Variants in CNTNAP2 observed in about 807,000 individuals in gnomAD.
CNTNAP2 encodes contactin-associated protein-like 2.
In CNTNAP2, 98 loss-of-function variants were observed where a neutral mutation model predicts 155.2. That is an observed-to-expected ratio of 0.63 (90% CI 0.54 to 0.75). The LOEUF (loss-of-function observed/expected upper bound fraction) is 0.75. CNTNAP2 is among the 30% of genes least tolerant of loss of function. The pLI, the probability that CNTNAP2 is intolerant of heterozygous loss-of-function variation, is 0.00. For missense variants in CNTNAP2, 1,727 were observed against 1,688.1 expected (o/e 1.02, Z -0.40); for synonymous variants, 651 against 631.2 (o/e 1.03, Z -0.47).
Position 147,639,115 on chromosome 7 carries a change from T to C in CNTNAP2, c.1907T>C (p.Val636Ala). 1 of 1,614,084 alleles carries C rather than the reference T, an allele frequency of 6.2e-7. No individual in the cohort carries two copies. Among genetic ancestry groups the C allele is most frequent in the Non-Finnish European group, 8.5e-7 (1 of 1,179,986 alleles). Residue 636 changes from valine (V) to alanine (A), a missense_variant, in exon 13 of 24, where the codon GTG becomes GCG. Val to Ala is a moderately conservative substitution (Grantham distance 64). Coordinates refer to ENST00000361727, the MANE Select transcript of CNTNAP2 (RefSeq NM_014141.6). ...GTTTTTCTCCCCACAGAGGACAAAG[T>C]GTGGACCATAGTGTCTCATGACTTG... ...KVYCNMTEDK[V>A]WTIVSHDLQM...
At chr7:146,398,646 A>C (rs1457532922) in intron 1 of CNTNAP2, among the ~76,000 whole-genome samples, 2 of 152,120 alleles carry the variant, frequency 1.3e-5, no homozygotes, top group Non-Finnish European at 2.9e-5. Context: ...AAGTAGCTCA[A>C]CTCTGGAGTA....
chr7:146,199,634 T>G (rs1584798870), intron 1 of CNTNAP2, among the ~76,000 whole-genome samples: 1 of 152,318 alleles, frequency 6.6e-6, no homozygotes, highest in Non-Finnish European at 1.5e-5. Context: ...TGTAATAATT[T>G]ACTGTGGCCA....
intron 2 of CNTNAP2, among the ~76,000 whole-genome samples, chr7:146,775,426 A>T (rs1293335374): frequency 1.3e-5 from 2 of 152,102 alleles, no homozygotes; most frequent in Admixed American, 6.6e-5. Flanking sequence ...AAATATATAA[A>T]TTTTTTGTGA....
intron 12 of CNTNAP2, among the ~76,000 whole-genome samples, chr7:147,579,376 A>C (rs1391168862): frequency 6.6e-6 from 1 of 152,190 alleles, no homozygotes; most frequent in East Asian, 1.9e-4. Flanking sequence ...ATAGGTACAC[A>C]GTGACAAACA....
At chr7:146,874,426 G>C (rs183568733) in intron 3 of CNTNAP2, among the ~76,000 whole-genome samples, 1 of 152,126 alleles carries the variant, frequency 6.6e-6, no homozygotes, top group Non-Finnish European at 1.5e-5. Context: ...TGTAACCGCT[G>C]TCTCCAGGGT....
At chr7:146,641,313 G>A (rs1039096113) in intron 1 of CNTNAP2, among the ~76,000 whole-genome samples, 2 of 152,152 alleles carry the variant, frequency 1.3e-5, no homozygotes, top group South Asian at 2.1e-4. Context: ...GGAACAGAGC[G>A]AGACTCCGTC....
chr7:147,988,310 G>A (rs1388293998), intron 15 of CNTNAP2, among the ~76,000 whole-genome samples: 2 of 152,156 alleles, frequency 1.3e-5, no homozygotes, highest in African/African-American at 2.4e-5. Flanking sequence ...CTTTAGGATT[G>A]GGAGGGTCTA....
chr7:146,627,214 C>A (rs1434642035), intron 1 of CNTNAP2, among the ~76,000 whole-genome samples: 1 of 152,012 alleles, frequency 6.6e-6, no homozygotes, highest in Non-Finnish European at 1.5e-5. Flanking sequence ...CAGGAGAGAC[C>A]AGCCCCATAA....
At chr7:146,539,743 T>C (rs1797923098) in intron 1 of CNTNAP2, among the ~76,000 whole-genome samples, 1 of 152,114 alleles carries the variant, frequency 6.6e-6, no homozygotes, top group South Asian at 2.1e-4. Flanking sequence ...CTTTTTGCAT[T>C]GAATTTTTGC....
At chr7:146,414,677 G>A (rs1463195689) in intron 1 of CNTNAP2, among the ~76,000 whole-genome samples, 1 of 152,164 alleles carries the variant, frequency 6.6e-6, no homozygotes, top group Non-Finnish European at 1.5e-5. Flanking sequence ...TTGGGGGTCA[G>A]TTGTGGGGTA....
At chr7:146,206,620 T>C (rs1167759613) in intron 1 of CNTNAP2, among the ~76,000 whole-genome samples, 1 of 152,002 alleles carries the variant, frequency 6.6e-6, no homozygotes, top group African/African-American at 2.4e-5. Context: ...ATTTCTCTTT[T>C]ATAAGCAGTA....
chr7:148,307,034 G>A (rs1364216045), intron 21 of CNTNAP2, among the ~76,000 whole-genome samples: 2 of 152,142 alleles, frequency 1.3e-5, no homozygotes, highest in Non-Finnish European at 2.9e-5. Flanking sequence ...CTCCAGAGAA[G>A]AATTTTCTGC....
intron 13 of CNTNAP2, among the ~76,000 whole-genome samples, chr7:147,860,486 A>G (rs1455571928): frequency 6.6e-6 from 1 of 151,840 alleles, no homozygotes; most frequent in African/African-American, 2.4e-5. Context: ...GCTACTCGGG[A>G]AGCTGAGGCA....
intron 15 of CNTNAP2, among the ~76,000 whole-genome samples, chr7:148,067,722 G>A (rs971174313): frequency 2.0e-5 from 3 of 152,200 alleles, no homozygotes; most frequent in African/African-American, 7.2e-5. Flanking sequence ...CCAAGAGATT[G>A]TATTTTCTGT....
chr7:147,522,545 T>A (rs956177329), intron 11 of CNTNAP2, among the ~76,000 whole-genome samples: 4 of 152,022 alleles, frequency 2.6e-5, no homozygotes, highest in East Asian at 1.9e-4. Context: ...TAAAAAAAAA[T>A]TTCAAGGGAG....
chr7:147,797,833 C>G (rs1797923744), intron 13 of CNTNAP2, among the ~76,000 whole-genome samples: 1 of 152,026 alleles, frequency 6.6e-6, no homozygotes, highest in South Asian at 2.1e-4. Flanking sequence ...AATACAAAAA[C>G]TATTCATCAA....
chr7:146,392,440 T>G (rs1023878507), intron 1 of CNTNAP2, among the ~76,000 whole-genome samples: 2 of 152,016 alleles, frequency 1.3e-5, no homozygotes, highest in Non-Finnish European at 2.9e-5. Flanking sequence ...CAAAATTAAT[T>G]ACAAATAATC....
chr7:146,959,171 CA>C (rs1797502015), intron 3 of CNTNAP2, among the ~76,000 whole-genome samples: 1 of 152,050 alleles, frequency 6.6e-6, no homozygotes, highest in African/African-American at 2.4e-5. Flanking sequence ...AGGCACCCAC[CA>C]CCACGCCTGG....
intron 1 of CNTNAP2, among the ~76,000 whole-genome samples, chr7:146,505,759 C>G (rs1797375009): frequency 1.3e-5 from 2 of 152,268 alleles, no homozygotes; most frequent in South Asian, 4.1e-4. Flanking sequence ...CAACAGATTA[C>G]CATTGTCCCC....
Sources: allele counts gnomAD v4.1 joint callset (sites outside exome capture counted in the v4.1 genomes callset), GRCh38; gene constraint gnomAD v4.1.1; transcripts MANE v1.5; gene names NCBI Gene and HGNC (gene_info 2026-07-23, HGNC 2026-07-21).